Variants in VDAC1 observed in about 807,000 individuals in gnomAD.
VDAC1 encodes the protein non-selective voltage-gated ion channel VDAC1.
VDAC1 carries 10 observed loss-of-function variants against 34.7 expected under a neutral mutation model. The ratio of observed to expected loss-of-function variants is 0.29; its 90% CI spans 0.18 to 0.49. The LOEUF (loss-of-function observed/expected upper bound fraction) is 0.49, where lower values mean the gene tolerates loss of function less well. Ranked by LOEUF, VDAC1 falls within the 20% of genes least tolerant of loss-of-function variation. VDAC1 has a pLI of 0.99. For synonymous variants in VDAC1, 130 were observed against 136.0 expected (o/e 0.96, Z 0.30); for missense variants, 230 against 347.9 (o/e 0.66, Z 2.69).
chr5:134,044,623 CTGTG>C, the VDAC1 span, among the ~76,000 whole-genome samples: 2 of 23,040 alleles, frequency 8.7e-5, no homozygotes, highest in Non-Finnish European at 1.8e-4. Context: ...GTGCACATAA[CTGTG>C]TGTGTGTGTG....
At chr5:134,080,619 G>GCA in the VDAC1 span, among the ~76,000 whole-genome samples, 1 of 143,956 alleles carries the variant, frequency 6.9e-6, no homozygotes, top group African/African-American at 2.6e-5. Context: ...TAAGTGTTGG[G>GCA]GCACCAACAA....
the VDAC1 span, among the ~76,000 whole-genome samples, chr5:134,024,601 TAA>T: frequency 7.2e-6 from 1 of 138,426 alleles, no homozygotes. Context: ...GATAGAAACT[TAA>T]AAAAAAAAAA....
intron 1 of VDAC1, among the ~76,000 whole-genome samples, chr5:134,002,729 C>T (rs1346877922): frequency 2.6e-5 from 4 of 152,088 alleles, no homozygotes; most frequent in East Asian, 1.9e-4. Context: ...CTTTGGGAGG[C>T]GGAGGCGGGT....
the VDAC1 span, among the ~76,000 whole-genome samples, chr5:134,014,824 C>A: frequency 6.6e-6 from 1 of 152,164 alleles, no homozygotes; most frequent in South Asian, 2.1e-4. Context: ...CAAGATCGTG[C>A]CACTGCACTC....
chr5:134,105,281 T>C, the VDAC1 span, among the ~76,000 whole-genome samples: 1 of 152,332 alleles, frequency 6.6e-6, no homozygotes, highest in South Asian at 2.1e-4. Context: ...TTGGGGTTCC[T>C]GCTGCCCCCC....
chr5:133,993,048 C>T (rs747384057), intron 1 of VDAC1, 30 bp from the exon 2 acceptor site: 4 of 1,578,300 alleles, frequency 2.5e-6, no homozygotes, highest in East Asian at 4.5e-5. Context: ...AGAATAAATG[C>T]ATTGATAATT....
the VDAC1 span, among the ~76,000 whole-genome samples, chr5:134,085,722 T>TAAAAAAAACA: frequency 2.3e-5 from 1 of 44,224 alleles, no homozygotes; most frequent in Non-Finnish European, 3.7e-5. Flanking sequence ...ACCCCATTTC[T>TAAAAAAAACA]AAAAAAAAAA....
the VDAC1 span, among the ~76,000 whole-genome samples, chr5:134,059,142 C>T: frequency 1.3e-5 from 2 of 152,158 alleles, no homozygotes; most frequent in Non-Finnish European, 2.9e-5. Context: ...GGGGTGGCAA[C>T]GCTGGCAAGG....
chr5:133,993,333 A>C (rs985384537), intron 1 of VDAC1, among the ~76,000 whole-genome samples: 2 of 152,224 alleles, frequency 1.3e-5, no homozygotes, highest in African/African-American at 4.8e-5. Context: ...TAATGAATAA[A>C]CTGTCAAAGA....
At chr5:133,974,233 C>G (rs1752396598) in intron 7 of VDAC1, among the ~76,000 whole-genome samples, 1 of 152,184 alleles carries the variant, frequency 6.6e-6, no homozygotes, top group Non-Finnish European at 1.5e-5. Context: ...ATTACACAAA[C>G]CAGTACAGAC....
At chr5:134,070,870 T>C in the VDAC1 span, among the ~76,000 whole-genome samples, 1 of 152,254 alleles carries the variant, frequency 6.6e-6, no homozygotes, top group East Asian at 1.9e-4. Context: ...GATTATTTTC[T>C]AGGCAGCAAG....
the VDAC1 span, among the ~76,000 whole-genome samples, chr5:134,013,222 A>G: frequency 2.0e-5 from 3 of 152,156 alleles, no homozygotes; most frequent in Non-Finnish European, 2.9e-5. Flanking sequence ...CAAAGCAGTT[A>G]CAGCAAAACA....
At chr5:134,109,291 T>C in the VDAC1 span, among the ~76,000 whole-genome samples, 1 of 152,214 alleles carries the variant, frequency 6.6e-6, no homozygotes, top group Non-Finnish European at 1.5e-5. Context: ...CCTCTCTCAG[T>C]GTGTCTGAGG....
rs769722060 is a variant in VDAC1 at position 133,992,951 on chromosome 5, C to T, written c.62G>A (p.Gly21Asp). The T allele has an allele frequency of 6.2e-7, 1 of 1,613,646 alleles. No homozygotes were observed. Among genetic ancestry groups the T allele is most frequent in the South Asian group, 1.1e-5 (1 of 90,964 alleles). ...CCCCTCTCTGCAACACTCACCATAG[C>T]CCTTGGTGAAGACATCCCTGGCAGA... ...GKSARDVFTK[G>D]YGFGLIKLDL... Residue 21 changes from glycine to aspartate, a missense_variant, in exon 2 of 9, where the codon GGC becomes GAC. Coordinates refer to ENST00000265333, the MANE Select transcript of VDAC1 (RefSeq NM_003374.3).
the VDAC1 span, among the ~76,000 whole-genome samples, chr5:134,047,070 G>A: frequency 6.6e-6 from 1 of 152,284 alleles, no homozygotes; most frequent in East Asian, 1.9e-4. Context: ...GACTATCAGG[G>A]CTGGTAACTG....
At chr5:134,087,593 G>A in the VDAC1 span, among the ~76,000 whole-genome samples, 1 of 152,348 alleles carries the variant, frequency 6.6e-6, no homozygotes, top group South Asian at 2.1e-4. Flanking sequence ...GGTGGCTCAC[G>A]CCTGTAATCC....
the VDAC1 span, among the ~76,000 whole-genome samples, chr5:134,019,995 G>A: frequency 1.3e-5 from 2 of 152,130 alleles, no homozygotes; most frequent in Admixed American, 6.5e-5. Context: ...TAATGAGCTC[G>A]CAAGCGTCCC....
chr5:134,029,780 G>C, the VDAC1 span, among the ~76,000 whole-genome samples: 1 of 152,214 alleles, frequency 6.6e-6, no homozygotes, highest in African/African-American at 2.4e-5. Context: ...GGCGGTGGGA[G>C]TGACTATAAA....
chr5:134,023,596 T>C, the VDAC1 span, among the ~76,000 whole-genome samples: 1 of 152,298 alleles, frequency 6.6e-6, no homozygotes, highest in East Asian at 1.9e-4. Context: ...GGAACATTCA[T>C]TCATTCAACA....
Sources: allele counts gnomAD v4.1 joint callset (sites outside exome capture counted in the v4.1 genomes callset), GRCh38; gene constraint gnomAD v4.1.1; transcripts MANE v1.5; gene names NCBI Gene and HGNC (gene_info 2026-07-23, HGNC 2026-07-21).